Variants in ZFHX3 observed in about 807,000 individuals in gnomAD.
ZFHX3 encodes the protein zinc finger homeobox protein 3.
ZFHX3 carries 42 observed loss-of-function variants against 279.1 expected under a neutral mutation model. The ratio of observed to expected loss-of-function variants is 0.15; its 90% confidence interval spans 0.12 to 0.19. ZFHX3 has a LOEUF of 0.19. ZFHX3 is among the 10% of genes least tolerant of loss of function. The probability of loss-of-function intolerance (pLI) is 1.00; values close to 1 mark genes in which losing one functional copy is unlikely to be tolerated. For missense variants in ZFHX3, 4,981 were observed against 4,754.0 expected (o/e 1.05, Z -1.40); for synonymous variants, 2,293 against 1,957.8 (o/e 1.17, Z -4.52).
intron 6 of ZFHX3, chr16:73,137,611 G>A (rs1966815975): frequency 6.6e-6 from 1 of 151,790 alleles, no homozygotes; most frequent in African/African-American, 2.4e-5. Context: ...TTTCTTTTAG[G>A]TGCCCAGTGA....
intron 1 of ZFHX3, among the ~76,000 whole-genome samples, chr16:73,004,321 C>CT (rs34987461): frequency 0.19 from 9,714 of 52,150 alleles, 1,820 homozygotes; most frequent in Non-Finnish European, 0.21. Context: ...ATGCATCAAT[C>CT]TTTTTTTTTT....
intron 1 of ZFHX3, among the ~76,000 whole-genome samples, chr16:73,041,758 AC>A (rs777012934): frequency 1.3e-5 from 2 of 152,142 alleles, no homozygotes; most frequent in Non-Finnish European, 2.9e-5. Flanking sequence ...CAGATACTCC[AC>A]AAAAAAAAGC....
intron 1 of ZFHX3, among the ~76,000 whole-genome samples, chr16:73,824,064 A>G (rs534468500): frequency 1.3e-5 from 2 of 152,296 alleles, no homozygotes; most frequent in Non-Finnish European, 2.9e-5. Context: ...TGACACAGAA[A>G]ATAAACGAAA....
chr16:73,193,811 T>C (rs1472208996), intron 5 of ZFHX3, among the ~76,000 whole-genome samples: 1 of 152,206 alleles, frequency 6.6e-6, no homozygotes, highest in Non-Finnish European at 1.5e-5. Context: ...CATCCTCAGC[T>C]GTACAGTGGG....
At position 73,120,838 on chromosome 16, in the gene ZFHX3, T is replaced by A. The variant is rs138747952; in HGVS notation, c.-897+10130A>T. On this transcript the variant is annotated intron_variant, in intron 7 of 17. Transcript: ENST00000641206. ...CCCGGCGAATTTTTTATATTTTTAA[T>A]AGAGATGGGATTTCACCGTGTTAGC... Among the ~76,000 whole-genome samples, 28 of 151,998 alleles carry A rather than the reference T, an allele frequency of 1.8e-4. No homozygotes were observed. The East Asian group carries it at 5.2e-3, about 28-fold the overall frequency.
chr16:72,829,936 C>G, intron 4 of ZFHX3, 77 bp from the exon 5 acceptor site: 1 of 1,464,864 alleles, frequency 6.8e-7, no homozygotes, highest in South Asian at 1.2e-5. Flanking sequence ...TTGCAAACAA[C>G]TGCCAACGAC....
In ZFHX3 at chr16:72,794,991, T is replaced by C. The variant is rs141564201; in HGVS notation, c.7691A>G (p.Gln2564Arg). 8.5e-4 allele frequency: 1,375 copies of C among 1,614,002 alleles called. 2 individuals are homozygous for C. Among genetic ancestry groups the C allele is most frequent in the Admixed American group, 1.4e-3 (87 of 60,008 alleles). ...CATATCCAGGGACCTGTCCAAAAAC[T>C]GGGGGTGGATGAACTGGTTCTGCGC... ...LSAQNQFIHPQFLDRSLDMPF... is the reference protein window; with the variant it reads ...LSAQNQFIHPRFLDRSLDMPF... Residue 2564 changes from glutamine to arginine, a missense_variant, in exon 9 of 10, where the codon CAG becomes CGG. By Grantham distance (43) the Gln-to-Arg change is conservative. Around this residue, in one of 7 missense-constraint regions of ZFHX3, gnomAD observed 744 missense variants for 701.3 expected, o/e 1.06. Transcript: ENST00000268489. This position sits in a 1 kb window ranked among gnomAD's most constrained non-coding sequence, Gnocchi z 4.2.
At chr16:73,317,285 TG>T (rs1177879216) in intron 4 of ZFHX3, among the ~76,000 whole-genome samples, 2 of 29,470 alleles carry the variant, frequency 6.8e-5, no homozygotes, top group African/African-American at 2.8e-4. Flanking sequence ...GGGGGTGGGG[TG>T]GGGGTGGCGG....
chr16:73,584,115 T>C (rs1238040967), intron 2 of ZFHX3, among the ~76,000 whole-genome samples: 1 of 152,132 alleles, frequency 6.6e-6, no homozygotes, highest in Non-Finnish European at 1.5e-5. Context: ...ATGCAGAGCA[T>C]AGTACAGAAA....
chr16:72,840,360 GAT>G (rs2037315655), intron 4 of ZFHX3, among the ~76,000 whole-genome samples: 1 of 152,188 alleles, frequency 6.6e-6, no homozygotes. Flanking sequence ...CGTCAACGGT[GAT>G]GGATGCAATC....
chr16:73,151,575 A>G (rs1966943140), intron 5 of ZFHX3, among the ~76,000 whole-genome samples: 1 of 77,720 alleles, frequency 1.3e-5, no homozygotes, highest in Non-Finnish European at 2.6e-5. Flanking sequence ...GCCCGGGCAT[A>G]GGAATGGCAG....
rs375463140 is a variant in ZFHX3, at chr16:73,302,856, G to A, written c.-1194+15384C>T. Among the ~76,000 whole-genome samples, 38 of 152,288 alleles carry A rather than the reference G, an allele frequency of 2.5e-4. No individual in the cohort carries two copies. The East Asian group carries it at 5.0e-3, about 20-fold the overall frequency. On this transcript the variant is annotated intron_variant, in intron 4 of 17. Coordinates refer to the ZFHX3 transcript ENST00000641206. ...CAGAGCTTGCAGGGAGGCTAGAACT[G>A]AGGGCAAAATAGAAAAACAGCAATG...
intron 5 of ZFHX3, among the ~76,000 whole-genome samples, chr16:73,196,940 G>T (rs1343215281): frequency 6.6e-6 from 1 of 152,156 alleles, no homozygotes; most frequent in East Asian, 1.9e-4. Context: ...TGGGACACTG[G>T]TATTGACATG....
At chr16:73,392,963 T>C (rs1435084162) in intron 3 of ZFHX3, among the ~76,000 whole-genome samples, 1 of 152,194 alleles carries the variant, frequency 6.6e-6, no homozygotes, top group Non-Finnish European at 1.5e-5. Context: ...GCCTCCTGAG[T>C]AGCTGGGATT....
At chr16:73,664,344 T>C (rs1353871338) in intron 2 of ZFHX3, among the ~76,000 whole-genome samples, 1 of 152,176 alleles carries the variant, frequency 6.6e-6, no homozygotes, top group Non-Finnish European at 1.5e-5. Context: ...GCTTTGACAA[T>C]TGCATCAATA....
At chr16:73,824,064 A>C (rs534468500) in intron 1 of ZFHX3, among the ~76,000 whole-genome samples, 3 of 152,178 alleles carry the variant, frequency 2.0e-5, no homozygotes, top group Non-Finnish European at 2.9e-5. Flanking sequence ...TGACACAGAA[A>C]ATAAACGAAA....
chr16:73,345,639 A>G (rs1225627664), intron 3 of ZFHX3, among the ~76,000 whole-genome samples: 1 of 152,034 alleles, frequency 6.6e-6, no homozygotes, highest in Non-Finnish European at 1.5e-5. Flanking sequence ...CCGCTTTATC[A>G]CTGATGGGCA....
chr16:73,292,670 G>A (rs928786772), intron 4 of ZFHX3, among the ~76,000 whole-genome samples: 3 of 151,490 alleles, frequency 2.0e-5, no homozygotes, highest in Non-Finnish European at 4.4e-5. Flanking sequence ...GCTTCCTACT[G>A]TGTGATGTGT....
chr16:73,485,809 AC>A (rs1407955072), intron 2 of ZFHX3, among the ~76,000 whole-genome samples: 2 of 152,124 alleles, frequency 1.3e-5, no homozygotes, highest in Non-Finnish European at 2.9e-5. Flanking sequence ...CTGCTTAGAT[AC>A]TACTTCCCCC....
Sources: allele counts gnomAD v4.1 joint callset (sites outside exome capture counted in the v4.1 genomes callset), GRCh38; gene constraint gnomAD v4.1.1; regional missense constraint gnomAD v4.1.1; non-coding constraint Gnocchi (gnomAD v3.1); transcripts MANE v1.5; gene names NCBI Gene and HGNC (gene_info 2026-07-23, HGNC 2026-07-21).